GABRB3: variants seen among roughly 807,000 people sequenced by gnomAD.
The protein encoded by GABRB3 is gamma-aminobutyric acid type A receptor subunit beta3, also known as gamma-aminobutyric acid receptor subunit beta-3.
Under a neutral mutation model 52.1 loss-of-function variants are expected in GABRB3, and 14 were observed. That is an observed-to-expected ratio of 0.27 (90% CI 0.18 to 0.42). GABRB3 has a LOEUF of 0.42. Ranked by LOEUF, GABRB3 falls within the 10% of genes least tolerant of loss-of-function variation. The pLI, the probability that GABRB3 is intolerant of heterozygous loss-of-function variation, is 1.00. For synonymous variants in GABRB3, 260 were observed against 232.3 expected (o/e 1.12, Z -1.08); for missense variants, 307 against 609.1 (o/e 0.50, Z 5.22).
intron 3 of GABRB3, among the ~76,000 whole-genome samples, chr15:26,763,679 C>A (rs1595356463): frequency 6.6e-6 from 1 of 150,508 alleles, no homozygotes; most frequent in South Asian, 2.1e-4. Flanking sequence ...GTTCCTTCTA[C>A]TCATTAAAAC....
At chr15:26,576,909 C>T (rs1444185126) in intron 6 of GABRB3, among the ~76,000 whole-genome samples, 3 of 152,036 alleles carry the variant, frequency 2.0e-5, no homozygotes, top group Admixed American at 2.0e-4. Context: ...TTACTCATAC[C>T]CTAGAAAGTA....
Position 26,609,216 on chromosome 15 carries a change from T to G in GABRB3, c.461+12098A>C, listed in dbSNP as rs147445673. 1.8e-3 allele frequency among the ~76,000 whole-genome samples: 270 copies of G among 152,112 alleles called. 2 individuals carry two copies. The highest frequency in any genetic ancestry group is 5.9e-3 in the African/African-American group (243 of 41,508). On this transcript the variant is annotated intron_variant, in intron 4 of 8. Transcript: ENST00000311550. ...CTGATGGAATTGGAGAACATTATACTAAGTGAATTACGCCAGTCACAGAAA... is the reference window on the plus strand; with the variant it reads ...CTGATGGAATTGGAGAACATTATACGAAGTGAATTACGCCAGTCACAGAAA...
chr15:26,621,451 A>G lies in GABRB3; in HGVS notation c.324T>C (p.Leu108=). ...ATAGCTGGTCAGCCACTCGATTGTC[A>G]AGCGTGAGGTTGAGAGGGATCCCAG... ...AYSGIPLNLT[L]DNRVADQLWV... The change falls in exon 4 of 9, where the codon CTT becomes CTC. Residue 108 remains leucine, a synonymous_variant. Coordinates refer to ENST00000311550, the MANE Select transcript of GABRB3 (RefSeq NM_000814.6). This position sits in a 1 kb window ranked among gnomAD's most constrained non-coding sequence, Gnocchi z 4.1. 1.9e-6 allele frequency: 3 copies of G among 1,614,146 alleles called. No homozygotes were observed. Among genetic ancestry groups the G allele is most frequent in the Non-Finnish European group, 2.5e-6 (3 of 1,180,002 alleles).
At chr15:26,756,080 A>G (rs960327536) in intron 3 of GABRB3, among the ~76,000 whole-genome samples, 1 of 152,228 alleles carries the variant, frequency 6.6e-6, no homozygotes, top group African/African-American at 2.4e-5. Context: ...GTGCATACAT[A>G]TTAAATGTGC....
chr15:26,720,759 C>T (rs1889622371), intron 3 of GABRB3, among the ~76,000 whole-genome samples: 1 of 152,120 alleles, frequency 6.6e-6, no homozygotes, highest in South Asian at 2.1e-4. Context: ...GAGGAAGATT[C>T]CTCAAAAGGG....
At chr15:26,612,542 A>C (rs1298704861) in intron 4 of GABRB3, 1 of 152,216 alleles carries the variant, frequency 6.6e-6, no homozygotes, top group East Asian at 1.9e-4. Flanking sequence ...TTTAGCAAGA[A>C]ATGTTAAGTT....
chr15:26,631,528 G>A (rs1050928150), intron 3 of GABRB3, among the ~76,000 whole-genome samples: 1 of 152,174 alleles, frequency 6.6e-6, no homozygotes, highest in Non-Finnish European at 1.5e-5. Context: ...ACCTGCATTT[G>A]CATCTGGTTC....
chr15:26,628,951 C>G (rs1892819323), intron 3 of GABRB3: 4 of 1,535,410 alleles, frequency 2.6e-6, no homozygotes, highest in Non-Finnish European at 2.6e-6. Flanking sequence ...TTGTGACTGC[C>G]GAGAGCCCGC....
At chr15:26,655,011 C>T (rs7183884) in intron 3 of GABRB3, among the ~76,000 whole-genome samples, 143,332 of 152,138 alleles carry the variant, frequency 0.94, 67,718 homozygotes, top group East Asian at 1. Flanking sequence ...TAAATAAGTA[C>T]ATTCCTTTCT....
At chr15:26,742,053 T>A (rs1234378182) in intron 3 of GABRB3, among the ~76,000 whole-genome samples, 1 of 151,788 alleles carries the variant, frequency 6.6e-6, no homozygotes, top group South Asian at 2.1e-4. Flanking sequence ...CGGTTTTTTT[T>A]ATACTGGCCC....
intron 8 of GABRB3, chr15:26,557,810 G>C (rs1365910751): frequency 6.6e-6 from 1 of 152,148 alleles, no homozygotes; most frequent in Non-Finnish European, 1.5e-5. Context: ...ATGGATTCAT[G>C]AATCAACGAA....
In GABRB3 at chr15:26,671,148, G is replaced by A. The variant is rs145111753; in HGVS notation, c.241-49614C>T. ...ATGACAACATTATGCCAATCAAGAA[G>A]AGAAATAAGGCCTTTTATTTCCAAA... is the stretch of plus-strand genomic sequence containing the variant. On this transcript the variant is annotated intron_variant, in intron 3 of 8. Transcript: ENST00000311550. Among the ~76,000 whole-genome samples, 359 of 152,282 alleles carry A rather than the reference G, an allele frequency of 2.4e-3. 2 individuals carry two copies. The highest frequency in any genetic ancestry group is 3.8e-3 in the Non-Finnish European group (259 of 68,022).
intron 3 of GABRB3, among the ~76,000 whole-genome samples, chr15:26,758,235 G>A (rs888051242): frequency 6.6e-6 from 1 of 152,164 alleles, no homozygotes. Context: ...GCATGAGCAG[G>A]TTCTGATTTT....
chr15:26,647,514 T>C (rs982551976), intron 3 of GABRB3, among the ~76,000 whole-genome samples: 1 of 152,294 alleles, frequency 6.6e-6, no homozygotes, highest in East Asian at 1.9e-4. Flanking sequence ...AGGATGCATT[T>C]TGAGTTTGTT....
intron 4 of GABRB3, among the ~76,000 whole-genome samples, chr15:26,593,006 C>T (rs1046516974): frequency 6.6e-6 from 1 of 152,058 alleles, no homozygotes; most frequent in Admixed American, 6.6e-5. Flanking sequence ...CAGAGTGAGA[C>T]TCCCGTCAAA....
intron 3 of GABRB3, among the ~76,000 whole-genome samples, chr15:26,637,724 T>G (rs1893095083): frequency 6.6e-6 from 1 of 152,236 alleles, no homozygotes; most frequent in African/African-American, 2.4e-5. Context: ...ATACAAATTC[T>G]TGGGGCAGAC....
At chr15:26,666,700 T>C (rs563318229) in intron 3 of GABRB3, 11 of 152,406 alleles carry the variant, frequency 7.2e-5, no homozygotes, top group African/African-American at 2.4e-4. Flanking sequence ...ACTCAGGATA[T>C]CTACGGGAAT....
chr15:26,697,572 G>C (rs1038160840), intron 3 of GABRB3, among the ~76,000 whole-genome samples: 3 of 152,124 alleles, frequency 2.0e-5, no homozygotes, highest in Non-Finnish European at 4.4e-5. Flanking sequence ...AATGCAGGAA[G>C]AGGGAGCACA....
At chr15:26,748,677 G>T (rs1890416903) in intron 3 of GABRB3, among the ~76,000 whole-genome samples, 1 of 152,144 alleles carries the variant, frequency 6.6e-6, no homozygotes, top group Admixed American at 6.5e-5. Flanking sequence ...TTCTCTATTG[G>T]TTTTTGTTTT....
Sources: allele counts gnomAD v4.1 joint callset (sites outside exome capture counted in the v4.1 genomes callset), GRCh38; gene constraint gnomAD v4.1.1; non-coding constraint Gnocchi (gnomAD v3.1); transcripts MANE v1.5; gene names NCBI Gene and HGNC (gene_info 2026-07-23, HGNC 2026-07-21).